The following HECTD4 variants were observed in gnomAD, a reference collection of about 807,000 sequenced individuals.
HECTD4 encodes HECT domain E3 ubiquitin protein ligase 4, also known as probable E3 ubiquitin-protein ligase HECTD4.
HECTD4 carries 114 observed loss-of-function variants against 471.5 expected under a neutral mutation model. The ratio of observed to expected loss-of-function variants is 0.24; its 90% confidence interval spans 0.21 to 0.28. The LOEUF is 0.28. HECTD4 is among the 10% of genes least tolerant of loss of function. The pLI is 1.00. For missense variants in HECTD4, 3,866 were observed against 5,651.5 expected, an observed-to-expected ratio of 0.68 and a Z score of 10.13; for synonymous variants, 2,012 against 2,256.0, an observed-to-expected ratio of 0.89 and a Z score of 3.07.
At position 112,265,804 on chromosome 12, in the gene HECTD4, G is replaced by A; in HGVS notation, c.2498+74C>T. On this transcript the variant is annotated intron_variant, in intron 15 of 75. Transcript: ENST00000682272. Reference sequence around the variant, plus strand: ...TTAGTTATAACAGGAGACTAAAGTTGATCAAACACATTTAAATGTAAACTA... The same window carrying A: ...TTAGTTATAACAGGAGACTAAAGTTAATCAAACACATTTAAATGTAAACTA... 3 of 1,138,048 alleles carry A rather than the reference G, an allele frequency of 2.6e-6. No homozygotes were observed. The South Asian group carries it at 3.9e-5, about 15-fold the overall frequency. 70.5% of individuals were successfully genotyped at this position (1,138,048 alleles called of 1,614,324 possible).
In HECTD4 at chr12:112,269,765, A is replaced by T; in HGVS notation, c.2260T>A (p.Leu754Met). Residue 754 changes from leucine to methionine, a missense_variant, in exon 13 of 76, where the codon TTG becomes ATG. Leu to Met is a conservative substitution (Grantham distance 15). Around this residue, in one of 16 missense-constraint regions of HECTD4, gnomAD observed 525 missense variants for 672.6 expected, o/e 0.78. Transcript: ENST00000682272. The stretch of plus-strand genomic sequence containing the variant: ...CAAATTTGATCTTTTGGAGCCATCA[A>T]CAACTGCCAAAGAAGCAATCCCGAC... ...RRSGLLLWQLLMAPKDQICPE... is the reference protein window; with the variant it reads ...RRSGLLLWQLMMAPKDQICPE... The T allele has an allele frequency of 6.2e-7, 1 of 1,614,044 alleles. No homozygotes were observed. Among genetic ancestry groups the T allele is most frequent in the Non-Finnish European group, 8.5e-7 (1 of 1,179,894 alleles).
At position 112,210,056 on chromosome 12, in the gene HECTD4, C is replaced by T; in HGVS notation, c.7826G>A (p.Gly2609Glu). ...CACGGCAGCAATCCGGCATGGTGGCCCATGAGTGCCTGGGTCTGATGCAAT... is the reference window on the plus strand; with the variant it reads ...CACGGCAGCAATCCGGCATGGTGGCTCATGAGTGCCTGGGTCTGATGCAAT... Reference protein sequence around the residue: ...TSIASDPGTHGPPCRIAAVAT... With the variant: ...TSIASDPGTHEPPCRIAAVAT... Residue 2609 changes from glycine to glutamate, a missense_variant, in exon 50 of 76, where the codon GGG becomes GAG. Physicochemically the swap from Gly to Glu is moderately conservative, Grantham distance 98. This residue lies in a region of HECTD4 where 266 missense variants were observed against 441.6 expected (regional missense o/e 0.60). Coordinates refer to ENST00000682272, the MANE Select transcript of HECTD4 (RefSeq NM_001388303.1). 1 of 1,613,944 alleles carries T rather than the reference C, an allele frequency of 6.2e-7. No individual in the cohort carries two copies. Among genetic ancestry groups the T allele is most frequent in the Non-Finnish European group, 8.5e-7 (1 of 1,179,846 alleles).
chr12:112,203,101 C>T (rs982436852), intron 54 of HECTD4: 1 of 152,442 alleles, frequency 6.6e-6, no homozygotes, highest in Non-Finnish European at 1.5e-5. Flanking sequence ...CAGATATGCC[C>T]ACCATGACTA....
intron 1 of HECTD4, among the ~76,000 whole-genome samples, chr12:112,327,202 A>G (rs1191885515): frequency 6.6e-6 from 1 of 152,192 alleles, no homozygotes; most frequent in Admixed American, 6.5e-5. Flanking sequence ...CTGTAATCCC[A>G]GCTACTCAGA....
intron 44 of HECTD4, 115 bp downstream of exon 44, chr12:112,226,528 C>T (rs2033243028): frequency 1.7e-6 from 1 of 571,486 alleles, no homozygotes; most frequent in South Asian, 3.1e-5. Context: ...GTTGTCCTTA[C>T]AGCTCGGCTG....
intron 23 of HECTD4, among the ~76,000 whole-genome samples, chr12:112,251,462 T>A (rs2033885206): frequency 6.6e-6 from 1 of 152,236 alleles, no homozygotes; most frequent in East Asian, 1.9e-4. Flanking sequence ...TAAGTATAAA[T>A]CACTATTTTG....
chr12:112,315,929 G>T (rs1055222461), intron 2 of HECTD4, among the ~76,000 whole-genome samples: 1 of 151,334 alleles, frequency 6.6e-6, no homozygotes. Context: ...GAGAGACAGG[G>T]TCTCATTATG....
intron 49 of HECTD4, 37 bp from the exon 50 acceptor site, chr12:112,210,289 T>TA (rs767134800): frequency 1.9e-5 from 31 of 1,594,428 alleles, no homozygotes; most frequent in Non-Finnish European, 2.5e-5. Context: ...TGGAAAGACT[T>TA]ACGTTTATTT....
chr12:112,184,602 A>C lies in HECTD4; in HGVS notation c.10364T>G (p.Val3455Gly), dbSNP rs759887710. The C allele has an allele frequency of 6.2e-7, 1 of 1,613,812 alleles. No individual in the cohort carries two copies. The highest frequency in any genetic ancestry group is 1.1e-5 in the South Asian group (1 of 91,086). Residue 3455 changes from valine (V) to glycine (G), a missense_variant, in exon 61 of 76, where the codon GTT becomes GGT. Val to Gly is a moderately radical substitution (Grantham distance 109). Around this residue, in one of 16 missense-constraint regions of HECTD4, gnomAD observed 192 missense variants for 189.9 expected, o/e 1.01. Coordinates refer to ENST00000682272, the MANE Select transcript of HECTD4 (RefSeq NM_001388303.1). The surrounding 1 kb of genome is among the most constrained non-coding windows in gnomAD (Gnocchi z 9.1). ...GAAGGCCAGTGTCTTCTCGGGCTCA[A>C]CTTTCCCGTCCCCGCCCTCGGCCTT... is the stretch of plus-strand genomic sequence containing the variant. ...KDKAEGGDGK[V>G]EPEKTLAFPG... is the part of the protein sequence containing the mutation.
intron 1 of HECTD4, among the ~76,000 whole-genome samples, chr12:112,367,248 G>A (rs1387805616): frequency 7.4e-5 from 11 of 149,030 alleles, no homozygotes; most frequent in Admixed American, 1.3e-4. Flanking sequence ...GCAGTGAGCC[G>A]AGATTGTGCC....
At chr12:112,231,446 A>G (rs898961340) in intron 39 of HECTD4, 67 bp downstream of exon 39, 2 of 1,492,938 alleles carry the variant, frequency 1.3e-6, no homozygotes, top group Non-Finnish European at 1.9e-6. Context: ...TTAAAAAGCT[A>G]AAAACAAACC....
chr12:112,247,145 G>T, intron 28 of HECTD4, 69 bp from the exon 29 acceptor site: 3 of 1,260,546 alleles, frequency 2.4e-6, no homozygotes, highest in South Asian at 2.8e-5. Flanking sequence ...AAAAAAAAAT[G>T]TTTACAAAGA....
Position 112,252,518 on chromosome 12 carries a change from T to G in HECTD4, c.3458A>C (p.Asp1153Ala). ...WPKDLVKVEGDTVTFSFEMRS... is the reference protein window; with the variant it reads ...WPKDLVKVEGATVTFSFEMRS... ...CATTTCAAAGGAGAAGGTGACTGTA[T>G]CTCCTTCCACCTTAAAATTTAAGGA... Residue 1153 changes from aspartate to alanine, a missense_variant, in exon 23 of 76, where the codon GAT (aspartate) becomes GCT (alanine). Asp to Ala is a moderately radical substitution (Grantham distance 126). Coordinates refer to ENST00000682272, the MANE Select transcript of HECTD4 (RefSeq NM_001388303.1). 6.2e-7 allele frequency: 1 copy of G among 1,611,452 alleles called. No homozygotes were observed. Among genetic ancestry groups the G allele is most frequent in the Non-Finnish European group, 8.5e-7 (1 of 1,178,728 alleles).
At chr12:112,244,666 T>G (rs1405479666) in intron 29 of HECTD4, among the ~76,000 whole-genome samples, 1 of 152,202 alleles carries the variant, frequency 6.6e-6, no homozygotes, top group African/African-American at 2.4e-5. Context: ...CTACCACACC[T>G]GGCCCAAATT....
At chr12:112,285,895 C>T (rs1267199720) in intron 7 of HECTD4, among the ~76,000 whole-genome samples, 1 of 152,052 alleles carries the variant, frequency 6.6e-6, no homozygotes, top group Non-Finnish European at 1.5e-5. Flanking sequence ...TTTTAGCAAG[C>T]ATAGCTCTAT....
chr12:112,164,929 T>C (rs1339904889), intron 72 of HECTD4, among the ~76,000 whole-genome samples: 3 of 150,628 alleles, frequency 2.0e-5, no homozygotes, highest in Non-Finnish European at 4.4e-5. Context: ...GACCGCTTTT[T>C]CTTTTTTTTT....
intron 32 of HECTD4, among the ~76,000 whole-genome samples, chr12:112,242,727 A>G (rs1461706498): frequency 6.6e-6 from 1 of 151,958 alleles, no homozygotes; most frequent in Non-Finnish European, 1.5e-5. Flanking sequence ...CCTGGCCAAC[A>G]TGGTGAAACC....
intron 1 of HECTD4, among the ~76,000 whole-genome samples, chr12:112,335,916 G>A (rs1193651906): frequency 6.6e-6 from 1 of 152,116 alleles, no homozygotes; most frequent in Non-Finnish European, 1.5e-5. Context: ...GATTTAGGCA[G>A]TGAGCTTTAG....
At chr12:112,245,683 C>T (rs947501038) in intron 29 of HECTD4, among the ~76,000 whole-genome samples, 14 of 152,220 alleles carry the variant, frequency 9.2e-5, no homozygotes, top group South Asian at 2.1e-4. Flanking sequence ...AATGGGGCTA[C>T]GTAACATGGA....
Sources: gnomAD v4.1 joint callset for allele counts (sites outside exome capture counted in the v4.1 genomes callset) on GRCh38, gnomAD v4.1.1 for gene constraint, gnomAD v4.1.1 regional missense constraint, Gnocchi (gnomAD v3.1) non-coding constraint, MANE v1.5 for transcripts, NCBI Gene and HGNC (gene_info 2026-07-23, HGNC 2026-07-21) for gene names.